Variants in ZNF577 observed in about 807,000 individuals in gnomAD.
The protein encoded by ZNF577 is zinc finger protein 577.
Under a neutral mutation model 13.9 loss-of-function variants are expected in ZNF577, and 14 were observed. That is an observed-to-expected ratio of 1.00 (90% CI 0.66 to 1.57). ZNF577 has a LOEUF of 1.57. Among genes scored for constraint, ZNF577 ranks in the 40% most tolerant of loss-of-function variants. The pLI is 0.00. For synonymous variants in ZNF577, 203 were observed against 202.9 expected (o/e 1.00, Z 0.00); for missense variants, 555 against 579.2 (o/e 0.96, Z 0.43).
chr19:51,854,496 A>ATTTTTTTTTT (rs780953746), intron 5 of ZNF577, among the ~76,000 whole-genome samples: 1 of 123,218 alleles, frequency 8.1e-6, no homozygotes. Context: ...GCCCAGCTAA[A>ATTTTTTTTTT]TTTTTTTTTT....
At position 51,873,003 on chromosome 19, in the gene ZNF577, A is replaced by G; in HGVS notation, c.987T>C (p.Ser329=). The part of the protein sequence containing the change: ...IHTGEKPYEC[S]ECEKAFRSKS... ...TGCTTCTAAAGGCTTTTTCACACTC[A>G]CTACATTCATAAGGTTTCTCTCCCG... Residue 329 remains serine, a synonymous_variant, in exon 6 of 6, where the codon AGT becomes AGC. Transcript: ENST00000638348. The G allele has an allele frequency of 6.2e-7, 1 of 1,614,196 alleles. No individual in the cohort carries two copies. Among genetic ancestry groups the G allele is most frequent in the African/African-American group, 1.3e-5 (1 of 75,068 alleles).
In ZNF577 at chr19:51,869,714, G is replaced by A. The variant is rs1420536746; in HGVS notation, c.*2818C>T. On this transcript the variant is annotated 3_prime_UTR_variant, in exon 6 of 6. Coordinates refer to ENST00000638348, the MANE Select transcript of ZNF577 (RefSeq NM_001370449.1). ...GGACCCCTTCAATGTGGAGAAAAAT[G>A]GCCAAAGGCAGATGTGTGCCAGAAA... Among the ~76,000 whole-genome samples, 4 of 152,160 alleles carry A rather than the reference G, an allele frequency of 2.6e-5. No individual in the cohort carries two copies. The highest frequency in any genetic ancestry group is 5.9e-5 in the Non-Finnish European group (4 of 68,034).
Position 51,873,187 on chromosome 19 carries a change from T to G in ZNF577, c.803A>C (p.Lys268Thr), listed in dbSNP as rs1252073462. The G allele has an allele frequency of 9.3e-6, 15 of 1,614,028 alleles. No individual in the cohort carries two copies. The highest frequency in any genetic ancestry group is 1.3e-5 in the African/African-American group (1 of 74,914). The change falls in exon 6 of 6, where the codon AAA (lysine) becomes ACA (threonine). Residue 268 changes from lysine (K) to threonine (T), a missense_variant. Physicochemically the swap from Lys to Thr is moderately conservative, Grantham distance 78. Coordinates refer to ENST00000638348, the MANE Select transcript of ZNF577 (RefSeq NM_001370449.1). ...CCCACACACACTGCACCCATAGAGTTTCTCTCCAGTATGTGATCGCTGATG... is the reference window on the plus strand; with the variant it reads ...CCCACACACACTGCACCCATAGAGTGTCTCTCCAGTATGTGATCGCTGATG... ...NRHQRSHTGE[K>T]LYGCSVCGKA...
At chr19:51,865,054 A>T (rs2084545141), downstream of ZNF577, among the ~76,000 whole-genome samples, 1 of 152,150 alleles carries the variant, frequency 6.6e-6, no homozygotes, top group African/African-American at 2.4e-5. Flanking sequence ...TTTCAGATTC[A>T]TTCTTCTTTA....
In ZNF577 at chr19:51,841,646, C is replaced by T. The variant is rs192626916; in HGVS notation, c.*374+1175G>A. Among the ~76,000 whole-genome samples, 421 of 152,192 alleles carry T rather than the reference C, an allele frequency of 2.8e-3. 2 individuals are homozygous for T. Among genetic ancestry groups the T allele is most frequent in the African/African-American group, 8.9e-3 (371 of 41,506 alleles). On this transcript the variant is annotated intron_variant and NMD_transcript_variant, in intron 8 of 10. Transcript: ENST00000638827. ...TAGATAGAAAATATTAGGCCCGATG[C>T]GGTGGCTCATGCCTGTAATCTCAGC...
intron 10 of ZNF577, among the ~76,000 whole-genome samples, chr19:51,807,335 C>T (rs1035222583): frequency 6.6e-6 from 1 of 152,198 alleles, no homozygotes; most frequent in African/African-American, 2.4e-5. Flanking sequence ...TTCAAGGAGC[C>T]AGGGAGTGAG....
chr19:51,865,263 A>AT (rs2084549238), downstream of ZNF577, among the ~76,000 whole-genome samples: 1 of 152,098 alleles, frequency 6.6e-6, no homozygotes. Flanking sequence ...TGCCCAGCTA[A>AT]TTTTTGTATT....
At chr19:51,886,545 T>A (rs893355995) in intron 1 of ZNF577, 2 of 152,024 alleles carry the variant, frequency 1.3e-5, no homozygotes, top group Non-Finnish European at 2.9e-5. Context: ...CAGGAATACA[T>A]GAAATTGGGA....
rs74536967 is a variant in ZNF577 at position 51,869,673 on chromosome 19, C to T, written c.*2859G>A. Among the ~76,000 whole-genome samples the T allele has an allele frequency of 0.066, 9,987 of 152,244 alleles. 460 individuals are homozygous for T. Among genetic ancestry groups the T allele is most frequent in the Non-Finnish European group, 0.099 (6,701 of 68,010 alleles). ...CGTCCCCCCTGACGAGAAACACCCA[C>T]AGGTGTGGACGGGCTGGACCCCTTC... On this transcript the variant is annotated 3_prime_UTR_variant, in exon 6 of 6. Transcript: ENST00000638348.
At chr19:51,827,700 G>A (rs1365058836) in intron 9 of ZNF577, among the ~76,000 whole-genome samples, 1 of 152,118 alleles carries the variant, frequency 6.6e-6, no homozygotes, top group Non-Finnish European at 1.5e-5. Context: ...TTCTGCTTAA[G>A]TAAACTACTC....
At chr19:51,822,940 G>C (rs989819439) in intron 9 of ZNF577, among the ~76,000 whole-genome samples, 6 of 152,084 alleles carry the variant, frequency 3.9e-5, no homozygotes, top group Non-Finnish European at 8.8e-5. Flanking sequence ...TTGGCTCACT[G>C]CAACCTCTGC....
chr19:51,873,452 C>T lies in ZNF577; in HGVS notation c.538G>A (p.Glu180Lys). ...KAQLIQHQRT[E>K]RGEKPHGCGE... ...CATCCATGGGGTTTCTCTCCTCTTTCAGTTCTCTGATGTTGAATAAGCTGT... is the reference window on the plus strand; with the variant it reads ...CATCCATGGGGTTTCTCTCCTCTTTTAGTTCTCTGATGTTGAATAAGCTGT... Residue 180 changes from glutamate to lysine, a missense_variant, in exon 6 of 6, where the codon GAA (glutamate) becomes AAA (lysine). Glu to Lys is a moderately conservative substitution (Grantham distance 56). Transcript: ENST00000638348. The T allele has an allele frequency of 6.2e-7, 1 of 1,614,138 alleles. No homozygotes were observed. The highest frequency in any genetic ancestry group is 8.5e-7 in the Non-Finnish European group (1 of 1,180,040).
At chr19:51,885,367 T>C (rs2084927619) in intron 1 of ZNF577, among the ~76,000 whole-genome samples, 1 of 152,196 alleles carries the variant, frequency 6.6e-6, no homozygotes, top group Non-Finnish European at 1.5e-5. Flanking sequence ...ATGGTTAATC[T>C]ATACCCTTTT....
At chr19:51,847,697 A>T (rs571313790) in intron 5 of ZNF577, among the ~76,000 whole-genome samples, 1 of 152,292 alleles carries the variant, frequency 6.6e-6, no homozygotes, top group Admixed American at 6.5e-5. Context: ...AAGCGGCCTT[A>T]AACGGCAACC....
In ZNF577 at chr19:51,873,643, C is replaced by T; in HGVS notation, c.347G>A (p.Arg116Lys). The T allele has an allele frequency of 6.2e-7, 1 of 1,614,086 alleles. No individual in the cohort carries two copies. Among genetic ancestry groups the T allele is most frequent in the Non-Finnish European group, 8.5e-7 (1 of 1,179,974 alleles). The change falls in exon 6 of 6, where the codon AGA becomes AAA. Residue 116 changes from arginine to lysine, a missense_variant. Physicochemically the swap from Arg to Lys is conservative, Grantham distance 26 (BLOSUM62 2). Coordinates refer to ENST00000638348, the MANE Select transcript of ZNF577 (RefSeq NM_001370449.1). Reference protein sequence around the residue: ...KDSDAFGGYGRSCLHIKRDKT... With the variant: ...KDSDAFGGYGKSCLHIKRDKT... Reference sequence around the variant, plus strand: ...GTCACGCTTGATATGGAGGCATGATCTCCCATATCCACCAAATGCATCAGA... The same window carrying T: ...GTCACGCTTGATATGGAGGCATGATTTCCCATATCCACCAAATGCATCAGA...
intron 5 of ZNF577, chr19:51,860,303 T>G (rs1401698610): frequency 2.0e-5 from 3 of 152,226 alleles, no homozygotes; most frequent in African/African-American, 7.2e-5. Flanking sequence ...CTCCTATATT[T>G]AAAAGCTTGT....
chr19:51,868,614 T>A lies in ZNF577; in HGVS notation c.*3918A>T, dbSNP rs2084603619. On this transcript the variant is annotated 3_prime_UTR_variant, in exon 6 of 6. Coordinates refer to ENST00000638348, the MANE Select transcript of ZNF577 (RefSeq NM_001370449.1). ...ATGCCCAAGGCCAATTCCCTCATAA[T>A]GTTGCCTACAGAAGCCCCAGCAAGC... Among the ~76,000 whole-genome samples the A allele has an allele frequency of 6.6e-6, 1 of 152,156 alleles. No individual in the cohort carries two copies.
intron 9 of ZNF577, among the ~76,000 whole-genome samples, chr19:51,829,766 G>A (rs908861497): frequency 6.6e-6 from 1 of 152,150 alleles, no homozygotes; most frequent in Non-Finnish European, 1.5e-5. Context: ...CCTGTAATAT[G>A]GCAACTGCAC....
At position 51,880,201 on chromosome 19, in the gene ZNF577, G is replaced by A; in HGVS notation, c.60+122C>T. The A allele has an allele frequency of 2.8e-6, 3 of 1,057,180 alleles. No homozygotes were observed. In the South Asian group the frequency reaches 4.0e-5, roughly 14 times the overall value. The allele number at this position is 1,057,180 out of a possible 1,614,324, so 65.5% of individuals were successfully genotyped here. ...CTTAGCTTACCCCACTAAACAACAG[G>A]AAAAAGCCATAGAAAACATCCCATG... is the stretch of plus-strand genomic sequence containing the variant. On this transcript the variant is annotated intron_variant, in intron 3 of 5. Transcript: ENST00000638348.
Sources: gnomAD v4.1 joint callset for allele counts (sites outside exome capture counted in the v4.1 genomes callset) on GRCh38, gnomAD v4.1.1 for gene constraint, MANE v1.5 for transcripts, NCBI Gene and HGNC (gene_info 2026-07-23, HGNC 2026-07-21) for gene names.